GALNT18: variants seen among roughly 807,000 people sequenced by gnomAD.
GALNT18 encodes GalNAc-transferase 18.
Under a neutral mutation model 69.5 loss-of-function variants are expected in GALNT18, and 44 were observed. That is an observed-to-expected ratio of 0.63 (90% CI 0.50 to 0.81). GALNT18 has a LOEUF of 0.81. GALNT18 is among the 40% of genes least tolerant of loss of function. GALNT18 has a pLI of 0.00. For missense variants in GALNT18, 715 were observed against 810.0 expected (o/e 0.88, Z 1.42); for synonymous variants, 364 against 318.2 (o/e 1.14, Z -1.53).
At chr11:11,359,846 G>T (rs1442289942) in intron 6 of GALNT18, among the ~76,000 whole-genome samples, 2 of 152,130 alleles carry the variant, frequency 1.3e-5, no homozygotes, top group Admixed American at 6.5e-5. Context: ...CAGTCAGGCT[G>T]GTTCTAATCT....
At chr11:11,475,111 C>T (rs1365537584) in intron 1 of GALNT18, 2 of 152,202 alleles carry the variant, frequency 1.3e-5, no homozygotes, top group African/African-American at 4.8e-5. Context: ...ATGTAAATTT[C>T]AGTATGTAGA....
At chr11:11,397,023 G>A (rs1359087856) in intron 3 of GALNT18, among the ~76,000 whole-genome samples, 3 of 152,076 alleles carry the variant, frequency 2.0e-5, no homozygotes, top group Admixed American at 6.5e-5. Context: ...GCACCCCCAT[G>A]GCAAATGTGT....
At chr11:11,464,458 TCTC>T (rs1856114113) in intron 1 of GALNT18, among the ~76,000 whole-genome samples, 1 of 152,040 alleles carries the variant, frequency 6.6e-6, no homozygotes, top group Non-Finnish European at 1.5e-5. Context: ...CCCATGAACA[TCTC>T]CTCTTCAGGA....
intron 3 of GALNT18, 43 bp from the exon 4 acceptor site, chr11:11,379,307 G>A: frequency 6.4e-7 from 1 of 1,560,410 alleles, no homozygotes; most frequent in South Asian, 1.2e-5. Flanking sequence ...AGGGAGGTCA[G>A]GAGGCAGAGG....
intron 1 of GALNT18, among the ~76,000 whole-genome samples, chr11:11,462,164 G>T (rs1461510634): frequency 6.6e-6 from 1 of 152,160 alleles, no homozygotes; most frequent in Non-Finnish European, 1.5e-5. Context: ...ATGAGAGGAT[G>T]CTAAGGCTGC....
intron 1 of GALNT18, among the ~76,000 whole-genome samples, chr11:11,571,774 GAA>G (rs914855170): frequency 6.6e-6 from 1 of 151,576 alleles, no homozygotes; most frequent in Non-Finnish European, 1.5e-5. Flanking sequence ...CAATGACCTG[GAA>G]AAAAAAATTG....
intron 3 of GALNT18, among the ~76,000 whole-genome samples, chr11:11,393,885 A>T (rs905093362): frequency 6.6e-6 from 1 of 152,232 alleles, no homozygotes; most frequent in African/African-American, 2.4e-5. Context: ...CATGCCCCCA[A>T]ATATCAAAAA....
intron 1 of GALNT18, among the ~76,000 whole-genome samples, chr11:11,518,402 T>C (rs944854377): frequency 1.3e-5 from 2 of 152,256 alleles, no homozygotes; most frequent in African/African-American, 2.4e-5. Context: ...TAAGCACTTG[T>C]GCATTCTAAT....
intron 1 of GALNT18, among the ~76,000 whole-genome samples, chr11:11,553,581 G>A (rs536944036): frequency 1.3e-5 from 2 of 152,274 alleles, no homozygotes; most frequent in African/African-American, 4.8e-5. Context: ...TCAGGGGAGG[G>A]AAAATGCCTT....
At chr11:11,608,508 T>G (rs1859808568) in intron 1 of GALNT18, among the ~76,000 whole-genome samples, 1 of 151,912 alleles carries the variant, frequency 6.6e-6, no homozygotes, top group Non-Finnish European at 1.5e-5. Flanking sequence ...TACAGGCACC[T>G]GCCACCAGGC....
At chr11:11,351,283 C>T (rs1850396727) in intron 6 of GALNT18, among the ~76,000 whole-genome samples, 1 of 152,146 alleles carries the variant, frequency 6.6e-6, no homozygotes, top group South Asian at 2.1e-4. Flanking sequence ...AGAACCAGAG[C>T]AGAGGGCAGG....
intron 10 of GALNT18, among the ~76,000 whole-genome samples, chr11:11,286,402 A>C (rs558740551): frequency 6.6e-6 from 1 of 152,304 alleles, no homozygotes; most frequent in East Asian, 1.9e-4. Context: ...CTACCACCTA[A>C]AAGTGTTCAC....
chr11:11,475,998 T>G (rs1856387790), intron 1 of GALNT18: 1 of 152,170 alleles, frequency 6.6e-6, no homozygotes. Context: ...AAAACTTCCC[T>G]GCCTGTAAGG....
intron 1 of GALNT18, among the ~76,000 whole-genome samples, chr11:11,577,635 T>A (rs186310277): frequency 1.2e-4 from 18 of 152,166 alleles, no homozygotes; most frequent in Middle Eastern, 3.4e-3. Flanking sequence ...AAGCACAGAA[T>A]CCTAGGCTCA....
At chr11:11,414,137 G>A (rs766001004) in intron 3 of GALNT18, among the ~76,000 whole-genome samples, 2 of 152,054 alleles carry the variant, frequency 1.3e-5, no homozygotes, top group Non-Finnish European at 2.9e-5. Context: ...AGCCATTACA[G>A]CCTAGACAAT....
chr11:11,297,152 C>T (rs1178430046), intron 9 of GALNT18, among the ~76,000 whole-genome samples: 2 of 152,060 alleles, frequency 1.3e-5, no homozygotes, highest in Admixed American at 1.3e-4. Context: ...TCTGGGATCC[C>T]ACTCAACATC....
intron 2 of GALNT18, among the ~76,000 whole-genome samples, chr11:11,433,249 A>C (rs1855316404): frequency 6.6e-6 from 1 of 152,196 alleles, no homozygotes; most frequent in Non-Finnish European, 1.5e-5. Context: ...CTTCTGCCAA[A>C]ATCTACTTCC....
chr11:11,470,131 G>A lies in GALNT18; in HGVS notation c.236-21195C>T, dbSNP rs1856239033. Among the ~76,000 whole-genome samples, 1 of 152,308 alleles carries A rather than the reference G, an allele frequency of 6.6e-6. No homozygotes were observed. Among genetic ancestry groups the A allele is most frequent in the African/African-American group, 2.4e-5 (1 of 41,574 alleles). On this transcript the variant is annotated intron_variant, in intron 1 of 10. Transcript: ENST00000227756. The surrounding 1 kb of genome is among the most constrained non-coding windows in gnomAD (Gnocchi z 4.8). ...AGGATGGTTTTGAAGCTGTGACCAAGATGTTTCCCTGCCTTGAGAAGTCTC... is the reference window on the plus strand; with the variant it reads ...AGGATGGTTTTGAAGCTGTGACCAAAATGTTTCCCTGCCTTGAGAAGTCTC...
Position 11,383,412 on chromosome 11 carries a change from A to G in GALNT18, c.596-4148T>C, listed in dbSNP as rs1164680520. The stretch of plus-strand genomic sequence containing the variant: ...TTAATGGGACACTCCAATCTCATGC[A>G]TAAAGGAAACTAAAGGATCTGAAAG... On this transcript the variant is annotated intron_variant, in intron 3 of 10. Transcript: ENST00000227756. The surrounding 1 kb of genome is among the most constrained non-coding windows in gnomAD (Gnocchi z 5.2). 1.3e-5 allele frequency among the ~76,000 whole-genome samples: 2 copies of G among 152,238 alleles called. No individual in the cohort carries two copies. The highest frequency in any genetic ancestry group is 3.9e-4 in the East Asian group (2 of 5,192).
Sources: gnomAD v4.1 joint callset for allele counts (sites outside exome capture counted in the v4.1 genomes callset) on GRCh38, gnomAD v4.1.1 for gene constraint, Gnocchi (gnomAD v3.1) non-coding constraint, MANE v1.5 for transcripts, NCBI Gene and HGNC (gene_info 2026-07-23, HGNC 2026-07-21) for gene names.